SYK: variants seen among roughly 807,000 people sequenced by gnomAD.
The protein encoded by SYK is tyrosine-protein kinase SYK.
SYK carries 16 observed loss-of-function variants against 77.8 expected under a neutral mutation model. That is an observed-to-expected ratio of 0.21 (90% CI 0.14 to 0.31). The LOEUF (loss-of-function observed/expected upper bound fraction) is 0.31, where lower values mean the gene tolerates loss of function less well. Among genes scored for constraint, SYK ranks in the 10% least tolerant of loss-of-function variants. The probability of loss-of-function intolerance (pLI) is 1.00; values close to 1 mark genes in which losing one functional copy is unlikely to be tolerated. For synonymous variants in SYK, 312 were observed against 308.7 expected, an observed-to-expected ratio of 1.01 and a Z score of -0.11; for missense variants, 529 against 814.4, an observed-to-expected ratio of 0.65 and a Z score of 4.26.
chr9:90,875,269 C>T (rs7872076), intron 9 of SYK, among the ~76,000 whole-genome samples: 27,750 of 150,286 alleles, frequency 0.18, 2,858 homozygotes, highest in Admixed American at 0.3. Flanking sequence ...ATAAATAAAA[C>T]ATAAAAAATT....
In SYK at chr9:90,873,324, T is replaced by C. The variant is rs1288044888; in HGVS notation, c.916-880T>C. ...TGAAAAGGTCAATCAATACATAGAA[T>C]TGTGACTCAACTCACGCTGAAAAAA... On this transcript the variant is annotated intron_variant, in intron 7 of 13. Coordinates refer to ENST00000375754, the MANE Select transcript of SYK (RefSeq NM_003177.7). 3.3e-5 allele frequency among the ~76,000 whole-genome samples: 5 copies of C among 151,858 alleles called. 1 individual carries two copies. Among genetic ancestry groups the C allele is most frequent in the Admixed American group, 6.6e-5 (1 of 15,250 alleles).
intron 1 of SYK, among the ~76,000 whole-genome samples, chr9:90,826,205 A>G (rs1037412129): frequency 6.6e-6 from 1 of 152,246 alleles, no homozygotes; most frequent in Admixed American, 6.5e-5. Context: ...GCAGGCTTCA[A>G]ATATTGGCTC....
intron 7 of SYK, among the ~76,000 whole-genome samples, chr9:90,868,569 G>A (rs979962589): frequency 6.6e-6 from 1 of 152,170 alleles, no homozygotes; most frequent in African/African-American, 2.4e-5. Context: ...ATCAGTAGTA[G>A]TTTATAGTAA....
chr9:90,843,089 C>T (rs920921977), intron 1 of SYK, among the ~76,000 whole-genome samples: 59 of 152,254 alleles, frequency 3.9e-4, no homozygotes, highest in African/African-American at 1.3e-3. Context: ...CTCTTTAGCA[C>T]GGGCCCTGCA....
intron 3 of SYK, among the ~76,000 whole-genome samples, chr9:90,849,361 G>A (rs1826730497): frequency 6.6e-6 from 1 of 152,198 alleles, no homozygotes; most frequent in Non-Finnish European, 1.5e-5. Flanking sequence ...CCTGGGTCCT[G>A]TACAGGCCTG....
At chr9:90,803,779 A>T (rs1824707160) in intron 1 of SYK, among the ~76,000 whole-genome samples, 1 of 152,196 alleles carries the variant, frequency 6.6e-6, no homozygotes, top group African/African-American at 2.4e-5. Flanking sequence ...TAAATTTCAG[A>T]ACTGAGAAAG....
intron 1 of SYK, among the ~76,000 whole-genome samples, chr9:90,822,422 G>A (rs1347518575): frequency 2.0e-5 from 3 of 152,192 alleles, no homozygotes; most frequent in Non-Finnish European, 2.9e-5. Flanking sequence ...TCTCATCAAT[G>A]TGATATTTCG....
intron 1 of SYK, among the ~76,000 whole-genome samples, chr9:90,831,957 G>A (rs528400057): frequency 6.6e-5 from 10 of 152,320 alleles, no homozygotes; most frequent in Non-Finnish European, 1.3e-4. Context: ...GAGAAAATAC[G>A]TGTGTTAGGG....
At chr9:90,833,915 G>A (rs1179124805) in intron 1 of SYK, among the ~76,000 whole-genome samples, 1 of 152,234 alleles carries the variant, frequency 6.6e-6, no homozygotes, top group Non-Finnish European at 1.5e-5. Flanking sequence ...ATGCTAGTGG[G>A]ATATGATGGG....
intron 1 of SYK, among the ~76,000 whole-genome samples, chr9:90,824,842 C>T (rs1282622103): frequency 1.3e-5 from 2 of 152,112 alleles, no homozygotes; most frequent in African/African-American, 4.8e-5. Flanking sequence ...TCTTACCACT[C>T]TGTTCAACAT....
rs1446364850 is a variant in SYK, at chr9:90,888,544, G to T, written c.1752G>T (p.Met584Ile). 2 of 1,612,636 alleles carry T rather than the reference G, an allele frequency of 1.2e-6. No homozygotes were observed. The highest frequency in any genetic ancestry group is 1.7e-6 in the Non-Finnish European group (2 of 1,179,600). The change falls in exon 13 of 14, where the codon ATG becomes ATT. Residue 584 changes from methionine to isoleucine, a missense_variant. By Grantham distance (10) the Met-to-Ile change is conservative. Coordinates refer to ENST00000375754, the MANE Select transcript of SYK (RefSeq NM_003177.7). ...RGMKGSEVTA[M>I]LEKGERMGCP... ...TGAAAGGAAGTGAAGTCACCGCTATGTTAGAGAAAGGAGAGCGGATGGGGT... is the reference window on the plus strand; with the variant it reads ...TGAAAGGAAGTGAAGTCACCGCTATTTTAGAGAAAGGAGAGCGGATGGGGT...
chr9:90,827,043 G>A (rs1201548830), intron 1 of SYK, among the ~76,000 whole-genome samples: 2 of 151,892 alleles, frequency 1.3e-5, no homozygotes. Flanking sequence ...TTCCTATTTG[G>A]TTCAATCTTC....
Position 90,828,700 on chromosome 9 carries a change from G to A in SYK, c.-41-15158G>A, listed in dbSNP as rs556742396. Among the ~76,000 whole-genome samples the A allele has an allele frequency of 9.9e-5, 15 of 152,156 alleles. 1 individual carries two copies. Among genetic ancestry groups the A allele is most frequent in the African/African-American group, 1.7e-4 (7 of 41,424 alleles). On this transcript the variant is annotated intron_variant, in intron 1 of 13. Transcript: ENST00000375754. ...TAATTACCAATTGTGTGTGCGTTGC[G>A]TGTGCGTCCCTTCCCCCTTCTCTGA...
intron 6 of SYK, among the ~76,000 whole-genome samples, chr9:90,866,527 A>G (rs985560405): frequency 4.6e-5 from 7 of 152,334 alleles, no homozygotes; most frequent in Non-Finnish European, 1.0e-4. Flanking sequence ...TTAATATTAT[A>G]GGCTCGGTGA....
intron 1 of SYK, among the ~76,000 whole-genome samples, chr9:90,811,405 TCA>T (rs1343985664): frequency 6.6e-6 from 1 of 152,102 alleles, no homozygotes; most frequent in African/African-American, 2.4e-5. Context: ...TAGGAACCTA[TCA>T]CACATATAAA....
At chr9:90,869,373 A>G (rs1304920497) in intron 7 of SYK, among the ~76,000 whole-genome samples, 2 of 152,228 alleles carry the variant, frequency 1.3e-5, no homozygotes, top group African/African-American at 4.8e-5. Context: ...AAATATTACT[A>G]ATGATGACAC....
intron 1 of SYK, among the ~76,000 whole-genome samples, chr9:90,838,963 C>T (rs1437823487): frequency 6.6e-6 from 1 of 152,162 alleles, no homozygotes; most frequent in Non-Finnish European, 1.5e-5. Flanking sequence ...GGCAGAGATG[C>T]CACAGCCGTG....
At chr9:90,830,216 A>C (rs72729025) in intron 1 of SYK, among the ~76,000 whole-genome samples, 2,991 of 152,316 alleles carry the variant, frequency 0.02, 103 homozygotes, top group East Asian at 0.17. Flanking sequence ...GAGACCAGGC[A>C]CCCTGTGCAG....
Position 90,877,730 on chromosome 9 carries a change from T to G in SYK, c.1341T>G (p.Val447=). Residue 447 remains valine (V), a synonymous_variant, in exon 10 of 14, where the codon GTT becomes GTG. Coordinates refer to ENST00000375754, the MANE Select transcript of SYK (RefSeq NM_003177.7). ...GCGAGGCCGAGTCCTGGATGCTGGT[T>G]ATGGAGATGGCAGAACTTGGTCCCC... ...GICEAESWML[V]MEMAELGPLN... The G allele has an allele frequency of 6.2e-7, 1 of 1,614,210 alleles. No individual in the cohort carries two copies. The highest frequency in any genetic ancestry group is 8.5e-7 in the Non-Finnish European group (1 of 1,180,034).
Sources: gnomAD v4.1 joint callset for allele counts (sites outside exome capture counted in the v4.1 genomes callset) on GRCh38, gnomAD v4.1.1 for gene constraint, MANE v1.5 for transcripts, NCBI Gene and HGNC (gene_info 2026-07-23, HGNC 2026-07-21) for gene names.